NUMB: variants seen among roughly 807,000 people sequenced by gnomAD.
The protein encoded by NUMB is protein numb homolog.
In NUMB, 29 loss-of-function variants were observed where a neutral mutation model predicts 59.7. That is an observed-to-expected ratio of 0.49 (90% confidence interval 0.36 to 0.66). The LOEUF is 0.66. Ranked by LOEUF, NUMB falls within the 30% of genes least tolerant of loss-of-function variation. The pLI is 0.00. For missense variants in NUMB, 723 were observed against 822.0 expected (o/e 0.88, Z 1.47); for synonymous variants, 288 against 288.2 (o/e 1.00, Z 0.01).
At chr14:73,287,354 A>G (rs1383682297) in intron 8 of NUMB, 40 bp from the exon 9 acceptor site, 2 of 1,449,512 alleles carry the variant, frequency 1.4e-6, no homozygotes, top group Non-Finnish European at 1.9e-6. Context: ...GAATTACACT[A>G]CTAACAATTA....
At chr14:73,445,655 G>A (rs1376485054) in intron 1 of NUMB, among the ~76,000 whole-genome samples, 1 of 152,106 alleles carries the variant, frequency 6.6e-6, no homozygotes, top group East Asian at 1.9e-4. Context: ...CATTTACTGG[G>A]CATTTACTAT....
chr14:73,285,722 TCAAGAC>T (rs1026703934), intron 9 of NUMB, among the ~76,000 whole-genome samples: 2 of 151,866 alleles, frequency 1.3e-5, no homozygotes, highest in Admixed American at 6.6e-5. Flanking sequence ...GGTCAGGAGT[TCAAGAC>T]CAGCCTGGCC....
chr14:73,327,615 G>A (rs1891732164), intron 4 of NUMB, among the ~76,000 whole-genome samples: 1 of 152,056 alleles, frequency 6.6e-6, no homozygotes, highest in African/African-American at 2.4e-5. Flanking sequence ...ATATGGTGCT[G>A]TAAAAGTACA....
chr14:73,450,701 A>C (rs1042590199), intron 1 of NUMB, among the ~76,000 whole-genome samples: 13 of 152,122 alleles, frequency 8.5e-5, no homozygotes, highest in Non-Finnish European at 4.4e-5. Flanking sequence ...AGGCAGGATA[A>C]TCGCTTGAAC....
At chr14:73,421,463 G>A (rs2140152071) in intron 1 of NUMB, among the ~76,000 whole-genome samples, 1 of 152,200 alleles carries the variant, frequency 6.6e-6, no homozygotes, top group Admixed American at 6.5e-5. Flanking sequence ...ACAAGCAAGA[G>A]CCACTGTGCC....
At chr14:73,447,865 G>A (rs117903997) in intron 1 of NUMB, among the ~76,000 whole-genome samples, 4,164 of 147,688 alleles carry the variant, frequency 0.028, 131 homozygotes, top group East Asian at 0.14. Context: ...TCACTACAAT[G>A]CCCCCTACCC....
intron 11 of NUMB, among the ~76,000 whole-genome samples, chr14:73,280,798 A>G (rs1407980316): frequency 6.7e-6 from 1 of 149,174 alleles, no homozygotes; most frequent in Non-Finnish European, 1.5e-5. Flanking sequence ...GGTTCAAGCA[A>G]TTCTCCTGCC....
chr14:73,446,457 A>G (rs993986807), intron 1 of NUMB, among the ~76,000 whole-genome samples: 1 of 152,040 alleles, frequency 6.6e-6, no homozygotes, highest in African/African-American at 2.4e-5. Context: ...AAATACAAAA[A>G]TTAGCCAGGC....
intron 4 of NUMB, among the ~76,000 whole-genome samples, chr14:73,344,972 T>C (rs1892831404): frequency 6.6e-6 from 1 of 152,222 alleles, no homozygotes; most frequent in Non-Finnish European, 1.5e-5. Context: ...GCATACTGTT[T>C]AAATCCAGCA....
intron 2 of NUMB, among the ~76,000 whole-genome samples, chr14:73,367,348 T>TAGAGAGAGAGAGAGAGAGAGAG (rs71112740): frequency 7.6e-4 from 80 of 105,296 alleles, no homozygotes; most frequent in South Asian, 5.7e-4. Flanking sequence ...TATATATATA[T>TAGAGAGAGAGAGAGAGAGAGAG]AGAGAGAGAG....
intron 1 of NUMB, among the ~76,000 whole-genome samples, chr14:73,431,004 G>A (rs995501587): frequency 2.6e-5 from 4 of 151,916 alleles, no homozygotes; most frequent in African/African-American, 9.7e-5. Flanking sequence ...TGTCACCTAA[G>A]CTGGAGTACA....
chr14:73,380,710 A>C (rs905643400), intron 2 of NUMB, among the ~76,000 whole-genome samples: 20 of 149,012 alleles, frequency 1.3e-4, no homozygotes, highest in Non-Finnish European at 1.6e-4. Flanking sequence ...CTGATTGGGC[A>C]CATTCATCAA....
At chr14:73,412,881 G>T (rs1896959164) in intron 1 of NUMB, among the ~76,000 whole-genome samples, 1 of 151,784 alleles carries the variant, frequency 6.6e-6, no homozygotes, top group African/African-American at 2.4e-5. Context: ...TTCCCACCTT[G>T]GCATTACAGT....
At chr14:73,454,321 G>A (rs1324072328) in intron 1 of NUMB, among the ~76,000 whole-genome samples, 1 of 152,086 alleles carries the variant, frequency 6.6e-6, no homozygotes, top group Non-Finnish European at 1.5e-5. Flanking sequence ...GTTTTGGCAA[G>A]TCCAAAGTAA....
intron 1 of NUMB, among the ~76,000 whole-genome samples, chr14:73,412,445 T>G (rs893168848): frequency 6.6e-6 from 1 of 151,738 alleles, no homozygotes; most frequent in Non-Finnish European, 1.5e-5. Context: ...CTGACCAACA[T>G]AGAGAAACCC....
intron 2 of NUMB, among the ~76,000 whole-genome samples, chr14:73,387,664 C>T (rs1314062981): frequency 1.3e-5 from 2 of 149,412 alleles, no homozygotes; most frequent in African/African-American, 5.0e-5. Context: ...ACCTGGGAGG[C>T]GGAGGTTGCA....
intron 1 of NUMB, among the ~76,000 whole-genome samples, chr14:73,439,404 C>T (rs1477251314): frequency 6.6e-6 from 1 of 152,094 alleles, no homozygotes; most frequent in Non-Finnish European, 1.5e-5. Flanking sequence ...GTTAAACATT[C>T]TAAAAACAGT....
intron 1 of NUMB, among the ~76,000 whole-genome samples, chr14:73,434,714 G>T (rs537023555): frequency 2.7e-5 from 4 of 149,882 alleles, no homozygotes; most frequent in Admixed American, 1.3e-4. Flanking sequence ...TTTAAATTTT[G>T]TAATAGAAAA....
chr14:73,289,622 T>C (rs891412644), intron 8 of NUMB, among the ~76,000 whole-genome samples: 3 of 152,222 alleles, frequency 2.0e-5, no homozygotes, highest in Non-Finnish European at 4.4e-5. Flanking sequence ...TAAAATGCTT[T>C]ATGTCCCTAA....
Sources: allele counts gnomAD v4.1 joint callset (sites outside exome capture counted in the v4.1 genomes callset), GRCh38; gene constraint gnomAD v4.1.1; transcripts MANE v1.5; gene names NCBI Gene and HGNC (gene_info 2026-07-23, HGNC 2026-07-21).